PFKFB3: variants seen among roughly 807,000 people sequenced by gnomAD.
The protein encoded by PFKFB3 is 6-phosphofructo-2-kinase/fructose-2,6-bisphosphatase 3.
In PFKFB3, 33 loss-of-function variants were observed where a neutral mutation model predicts 68.0. The observed-to-expected ratio is 0.49, with a 90% CI of 0.37 to 0.65. The LOEUF is 0.65. Among genes scored for constraint, PFKFB3 ranks in the 30% least tolerant of loss-of-function variants. The pLI, the probability that PFKFB3 is intolerant of heterozygous loss-of-function variation, is 0.00. For missense variants in PFKFB3, 586 were observed against 712.2 expected (o/e 0.82, Z 2.02); for synonymous variants, 315 against 288.2 (o/e 1.09, Z -0.94).
At chr10:6,295,161 C>A in the PFKFB3 span, among the ~76,000 whole-genome samples, 1 of 152,020 alleles carries the variant, frequency 6.6e-6, no homozygotes, top group Non-Finnish European at 1.5e-5. Context: ...TTTTTGTCTC[C>A]TGTGATGTCT....
chr10:6,293,859 G>A, the PFKFB3 span: 10 of 408,868 alleles, frequency 2.4e-5, no homozygotes, highest in Non-Finnish European at 5.0e-5. Context: ...CAACCAATAA[G>A]GTTGGAGAGT....
chr10:6,272,239 T>C, the PFKFB3 span, among the ~76,000 whole-genome samples: 2 of 152,260 alleles, frequency 1.3e-5, no homozygotes, highest in Non-Finnish European at 2.9e-5. Flanking sequence ...ATGTCCCTTC[T>C]GTCCCTTAGG....
chr10:6,177,415 C>CTTTCTTCTT (rs1311907121), intron 1 of PFKFB3, among the ~76,000 whole-genome samples: 4 of 39,740 alleles, frequency 1.0e-4, no homozygotes, highest in Admixed American at 2.8e-4. Flanking sequence ...TTTCTTCTTT[C>CTTTCTTCTT]TCTTTCTTCC....
At position 6,209,727 on chromosome 10, in the gene PFKFB3, A is replaced by C. The variant is rs1844030835; in HGVS notation, c.77-3896A>C. ...TGGTCTGCCCTCCTCTGCTGCCCAA[A>C]GTGCTGGGAGACCATGCCCAGCCAA... is the stretch of plus-strand genomic sequence containing the variant. On this transcript the variant is annotated intron_variant, in intron 1 of 14. Transcript: ENST00000379775. Among the ~76,000 whole-genome samples the C allele has an allele frequency of 2.0e-5, 3 of 148,452 alleles. No homozygotes were observed. In the Admixed American group the frequency reaches 2.0e-4, roughly 10 times the overall value.
chr10:6,221,239 G>T, intron 8 of PFKFB3, 142 bp from the exon 9 acceptor site: 1 of 888,880 alleles, frequency 1.1e-6, no homozygotes, highest in South Asian at 1.7e-5. Context: ...GGGTGTGTGC[G>T]GCTGTGGCTG....
In PFKFB3 at chr10:6,233,245, G is replaced by C. The variant is rs188911010; in HGVS notation, c.*303G>C. 2.8e-6 allele frequency: 1 copy of C among 363,236 alleles called. No homozygotes were observed. Among genetic ancestry groups the C allele is most frequent in the Non-Finnish European group, 5.0e-6 (1 of 199,038 alleles). The allele number at this position is 363,236 out of a possible 1,614,324, so 22.5% of individuals were successfully genotyped here. A position where few individuals can be genotyped will look rare whatever the true frequency, so the allele number is the denominator to read the frequency against. On this transcript the variant is annotated 3_prime_UTR_variant, in exon 15 of 15. Transcript: ENST00000379775. ...TCACAAAGCCTTGGGAGGGTGATGA[G>C]TGCTGGTCCTGACAGGAGGCCGCTG... is the stretch of plus-strand genomic sequence containing the variant.
rs1235506951 is a variant in PFKFB3, at chr10:6,220,650, C to T, written c.624-8C>T. ...TGAGCTGTGGTTCTCGGTGGGGTCT[C>T]TCTGCAGGGACTTGTCGCTGATCAA... On this transcript the variant is annotated splice_polypyrimidine_tract_variant and splice_region_variant and intron_variant, in intron 7 of 14. Coordinates refer to ENST00000379775, the MANE Select transcript of PFKFB3 (RefSeq NM_004566.4). The surrounding 1 kb of genome is among the most constrained non-coding windows in gnomAD (Gnocchi z 4.1). The T allele has an allele frequency of 6.2e-7, 1 of 1,609,618 alleles. No individual in the cohort carries two copies. Among genetic ancestry groups the T allele is most frequent in the Non-Finnish European group, 8.5e-7 (1 of 1,178,140 alleles).
chr10:6,219,006 G>C (rs184649143), intron 6 of PFKFB3, among the ~76,000 whole-genome samples: 2 of 152,370 alleles, frequency 1.3e-5, no homozygotes, highest in East Asian at 3.9e-4. Flanking sequence ...GGTGTTGGTA[G>C]ACCTGTGTTG....
At chr10:6,180,124 C>T (rs1488817125) in intron 1 of PFKFB3, among the ~76,000 whole-genome samples, 1 of 152,038 alleles carries the variant, frequency 6.6e-6, no homozygotes. Context: ...AAGAGGATTG[C>T]TTGAGCCCAG....
chr10:6,210,332 C>T (rs866508841), intron 1 of PFKFB3, among the ~76,000 whole-genome samples: 2 of 61,968 alleles, frequency 3.2e-5, no homozygotes, highest in Admixed American at 1.9e-4. Flanking sequence ...GCGCCCCTCT[C>T]TTTGTTTTTT....
chr10:6,212,365 GT>G lies in PFKFB3; in HGVS notation c.77-1254del, dbSNP rs1270226552. On this transcript the variant is annotated intron_variant, in intron 1 of 14. Coordinates refer to ENST00000379775, the MANE Select transcript of PFKFB3 (RefSeq NM_004566.4). ...ACCCAGCAAAACCCCCCTTCCTGCTGTTTTGTCTTACTGAGATGCCAAGACC... is the reference window on the plus strand; with the variant it reads ...ACCCAGCAAAACCCCCCTTCCTGCTGTTTGTCTTACTGAGATGCCAAGACC... Among the ~76,000 whole-genome samples the G allele has an allele frequency of 6.6e-5, 10 of 152,226 alleles. 1 individual carries two copies. The South Asian group carries it at 8.3e-4, about 13-fold the overall frequency.
intron 10 of PFKFB3, 130 bp from the exon 11 acceptor site, chr10:6,222,722 CCTT>C: frequency 1.0e-6 from 1 of 979,232 alleles, no homozygotes. Context: ...AAACCCTGCT[CCTT>C]CTCAACCACT....
chr10:6,168,718 C>T (rs1257089588), intron 1 of PFKFB3, among the ~76,000 whole-genome samples: 1 of 152,178 alleles, frequency 6.6e-6, no homozygotes, highest in African/African-American at 2.4e-5. Flanking sequence ...GGGTGGTCTG[C>T]ACAGCAGCTG....
At chr10:6,183,644 A>ATATG (rs1842785249) in intron 1 of PFKFB3, among the ~76,000 whole-genome samples, 1 of 148,548 alleles carries the variant, frequency 6.7e-6, no homozygotes, top group African/African-American at 2.5e-5. Context: ...TATATAAATA[A>ATATG]TATATAAATA....
intron 1 of PFKFB3, among the ~76,000 whole-genome samples, chr10:6,182,223 C>T (rs1254247083): frequency 6.6e-6 from 1 of 152,146 alleles, no homozygotes; most frequent in Non-Finnish European, 1.5e-5. Flanking sequence ...CAAAGGCCAG[C>T]CCGCTTCTCA....
chr10:6,228,226 T>C lies in PFKFB3; in HGVS notation c.1515+1861T>C. On this transcript the variant is annotated intron_variant, in intron 14 of 14. Coordinates refer to ENST00000379775, the MANE Select transcript of PFKFB3 (RefSeq NM_004566.4). The surrounding 1 kb of genome is among the most constrained non-coding windows in gnomAD (Gnocchi z 4.5). ...GCTAGGGCAAGCCTGTCTGTAAGTA[T>C]CTCTCCGATCATCGCTGCTGCTTGC... 1.2e-6 allele frequency: 2 copies of C among 1,612,710 alleles called. No homozygotes were observed. Among genetic ancestry groups the C allele is most frequent in the Non-Finnish European group, 1.7e-6 (2 of 1,179,830 alleles).
At chr10:6,208,373 T>C (rs1843937136) in intron 1 of PFKFB3, among the ~76,000 whole-genome samples, 1 of 68,924 alleles carries the variant, frequency 1.5e-5, no homozygotes, top group Admixed American at 1.4e-4. Context: ...TACCTGGCCT[T>C]TTTTTTTTTT....
At chr10:6,238,979 T>C (rs1195358062), downstream of PFKFB3, among the ~76,000 whole-genome samples, 1 of 152,170 alleles carries the variant, frequency 6.6e-6, no homozygotes, top group Non-Finnish European at 1.5e-5. Flanking sequence ...TTGATGGGCA[T>C]TTGGGTTGAT....
At chr10:6,257,983 C>T (rs1214795134), downstream of PFKFB3, among the ~76,000 whole-genome samples, 2 of 152,030 alleles carry the variant, frequency 1.3e-5, no homozygotes. Context: ...GGGGTCAACA[C>T]CTAAAGCAAA....
Sources: gnomAD v4.1 joint callset for allele counts (sites outside exome capture counted in the v4.1 genomes callset) on GRCh38, gnomAD v4.1.1 for gene constraint, Gnocchi (gnomAD v3.1) non-coding constraint, MANE v1.5 for transcripts, NCBI Gene and HGNC (gene_info 2026-07-23, HGNC 2026-07-21) for gene names.